The following DNAJC9 variants were observed in gnomAD, a reference collection of about 807,000 sequenced individuals.
DNAJC9 encodes the protein dnaJ homolog subfamily C member 9.
DNAJC9 carries 18 observed loss-of-function variants against 32.4 expected under a neutral mutation model. The ratio of observed to expected loss-of-function variants is 0.56; its 90% confidence interval spans 0.38 to 0.82. The LOEUF (loss-of-function observed/expected upper bound fraction) is 0.82, where lower values mean the gene tolerates loss of function less well. Among genes scored for constraint, DNAJC9 ranks in the 40% least tolerant of loss-of-function variants. The pLI is 0.00. For missense variants in DNAJC9, 310 were observed against 321.8 expected, an observed-to-expected ratio of 0.96 and a Z score of 0.28; for synonymous variants, 113 against 122.1, an observed-to-expected ratio of 0.93 and a Z score of 0.49.
chr10:73,235,064 T>C, downstream of DNAJC9: 5 of 1,454,472 alleles, frequency 3.4e-6, no homozygotes, highest in Non-Finnish European at 4.7e-6. Context: ...AACACAGTGC[T>C]AATTTATGAC....
In DNAJC9 at chr10:73,242,385, TG is replaced by T. The variant is rs1243136013; in HGVS notation, c.*1014del. ...ATTACCATGAGTTCACTATAACAAC[TG>T]GATCAATATGGCTTGCCTTTCAAAG... On this transcript the variant is annotated 3_prime_UTR_variant, in exon 5 of 5. Transcript: ENST00000372950. 1 of 151,838 alleles carries T rather than the reference TG, an allele frequency of 6.6e-6. No individual in the cohort carries two copies. Among genetic ancestry groups the T allele is most frequent in the African/African-American group, 2.4e-5 (1 of 41,260 alleles). The allele number at this position is 151,838 out of a possible 1,614,324, so 9.4% of individuals were successfully genotyped here. A position where few individuals can be genotyped will look rare whatever the true frequency, so the allele number is the denominator to read the frequency against.
At position 73,246,085 on chromosome 10, in the gene DNAJC9, T is replaced by C. The variant is rs1331476006; in HGVS notation, c.413A>G (p.Lys138Arg). The C allele has an allele frequency of 2.5e-6, 4 of 1,613,726 alleles. No homozygotes were observed. The highest frequency in any genetic ancestry group is 1.6e-4 in the Middle Eastern group (1 of 6,078). The change falls in exon 3 of 5, where the codon AAG becomes AGG. Residue 138 changes from lysine (K) to arginine (R), a missense_variant. Transcript: ENST00000372950. ...CTCCATGATCTGATCCATGTCACCC[T>C]TGAAGTCCAGATAGGCCTGCTTAAT... is the stretch of plus-strand genomic sequence containing the variant. ...ADIKQAYLDFKGDMDQIMESV... is the reference protein window; with the variant it reads ...ADIKQAYLDFRGDMDQIMESV...
downstream of DNAJC9, among the ~76,000 whole-genome samples, chr10:73,236,446 C>T (rs1464699410): frequency 6.7e-6 from 1 of 148,492 alleles, no homozygotes; most frequent in Non-Finnish European, 1.5e-5. Context: ...CGGAGTCTCG[C>T]TCTGTCACCT....
At position 73,245,918 on chromosome 10, in the gene DNAJC9, T is replaced by C. The variant is rs199735775; in HGVS notation, c.576+4A>G. ...ATATAAATCCACAGTATTCAAAATCTTACCCTCCTTTTCCTTGCATTCATC... is the reference window on the plus strand; with the variant it reads ...ATATAAATCCACAGTATTCAAAATCCTACCCTCCTTTTCCTTGCATTCATC... On this transcript the variant is annotated splice_donor_region_variant and intron_variant, in intron 3 of 4. Coordinates refer to ENST00000372950, the MANE Select transcript of DNAJC9 (RefSeq NM_015190.5). 4.5e-4 allele frequency: 728 copies of C among 1,609,906 alleles called. 1 individual carries two copies. The highest frequency in any genetic ancestry group is 4.7e-4 in the Non-Finnish European group (555 of 1,178,980).
chr10:73,243,252 T>C lies in DNAJC9; in HGVS notation c.*148A>G. 1.3e-6 allele frequency: 1 copy of C among 789,892 alleles called. No individual in the cohort carries two copies. 48.9% of individuals were successfully genotyped at this position (789,892 alleles called of 1,614,324 possible). On this transcript the variant is annotated 3_prime_UTR_variant, in exon 5 of 5. Transcript: ENST00000372950. ...AAATACTAAGATCAGGTTGAGAGAT[T>C]CTGCTTGGTCTAGTCAATCTGAAAA... is the stretch of plus-strand genomic sequence containing the variant.
At chr10:73,245,464 AG>A (rs2043996717) in intron 3 of DNAJC9, among the ~76,000 whole-genome samples, 1 of 150,188 alleles carries the variant, frequency 6.7e-6, no homozygotes, top group Non-Finnish European at 1.5e-5. Context: ...AAAAAAAAAA[AG>A]AAAAGAAAAA....
chr10:73,246,298 T>C, intron 2 of DNAJC9, 122 bp from the exon 3 acceptor site: 3 of 1,117,488 alleles, frequency 2.7e-6, no homozygotes, highest in Admixed American at 5.7e-5. Context: ...TTGAAATTAT[T>C]GAACCAGATT....
chr10:73,240,216 T>C (rs2043910741), downstream of DNAJC9, among the ~76,000 whole-genome samples: 1 of 152,206 alleles, frequency 6.6e-6, no homozygotes, highest in African/African-American at 2.4e-5. Context: ...AATTTAGAAG[T>C]AATGGACAGC....
downstream of DNAJC9, chr10:73,239,258 T>G: frequency 1.4e-6 from 2 of 1,440,958 alleles, no homozygotes; most frequent in East Asian, 5.0e-5. Flanking sequence ...TGCTAAAATA[T>G]TATCCTTTGT....
At chr10:73,240,708 C>T (rs539127291), downstream of DNAJC9, among the ~76,000 whole-genome samples, 410 of 147,904 alleles carry the variant, frequency 2.8e-3, 1 homozygote, top group African/African-American at 9.9e-3. Flanking sequence ...AGTGAGACTC[C>T]ACCTCCAAAA....
chr10:73,232,877 A>T (rs1564715033), intron 2 of DNAJC9: 3 of 985,282 alleles, frequency 3.0e-6, no homozygotes, highest in East Asian at 2.6e-5. Flanking sequence ...TTACCCCGTT[A>T]GTCTTGTCTT....
intron 2 of DNAJC9, chr10:73,233,098 C>T: frequency 6.4e-7 from 1 of 1,551,668 alleles, no homozygotes; most frequent in Non-Finnish European, 8.7e-7. Context: ...TTCATCCGAT[C>T]AGCACGAGCC....
At chr10:73,245,840 T>G (rs1262470961) in intron 3 of DNAJC9, 82 bp downstream of exon 3, 1 of 1,536,114 alleles carries the variant, frequency 6.5e-7, no homozygotes, top group East Asian at 2.3e-5. Context: ...TGGAGTTTTA[T>G]GTTTACTTCT....
rs1356780140 is a variant in DNAJC9, at chr10:73,247,117, C to T, written c.73G>A (p.Glu25Lys). 1.3e-6 allele frequency: 2 copies of T among 1,595,362 alleles called. No individual in the cohort carries two copies. Among genetic ancestry groups the T allele is most frequent in the Non-Finnish European group, 1.7e-6 (2 of 1,171,914 alleles). ...CGTCGGACCTCGCCGTCGGAGGCCT[C>T]GCGTCGCACGCCCAGCACCCGGTAA... ...DLYRVLGVRR[E>K]ASDGEVRRGY... is the part of the protein sequence containing the mutation. Residue 25 changes from glutamate to lysine, a missense_variant, in exon 1 of 5, where the codon GAG (glutamate) becomes AAG (lysine). Transcript: ENST00000372950.
In DNAJC9 at chr10:73,243,555, T is replaced by C. The variant is rs2043976759; in HGVS notation, c.664-36A>G. 5 of 1,613,352 alleles carry C rather than the reference T, an allele frequency of 3.1e-6. No individual in the cohort carries two copies. In the East Asian group the frequency reaches 1.1e-4, roughly 36 times the overall value. On this transcript the variant is annotated intron_variant, in intron 4 of 4. Transcript: ENST00000372950. Reference sequence around the variant, plus strand: ...AGTTAAAACACAAGCTTTCACAACATTATCCATAGACAGAAAGTACCTAGT... The same window carrying C: ...AGTTAAAACACAAGCTTTCACAACACTATCCATAGACAGAAAGTACCTAGT...
rs776722087 is a variant in DNAJC9, at chr10:73,246,134, C to T, written c.364G>A (p.Gly122Ser). The change falls in exon 3 of 5, where the codon GGT (glycine) becomes AGT (serine). Residue 122 changes from glycine (G) to serine (S), a missense_variant. By Grantham distance (56) the Gly-to-Ser change is moderately conservative. Coordinates refer to ENST00000372950, the MANE Select transcript of DNAJC9 (RefSeq NM_015190.5). ...DIQAFEKTYKGSEEELADIKQ... is the reference protein window; with the variant it reads ...DIQAFEKTYKSSEEELADIKQ... ...ATATCAGCCAGCTCTTCTTCCGAAC[C>T]TTTGTATGTCTTTTCAAAAGCTTGA... 3 of 1,613,348 alleles carry T rather than the reference C, an allele frequency of 1.9e-6. No individual in the cohort carries two copies. Among genetic ancestry groups the T allele is most frequent in the Non-Finnish European group, 2.5e-6 (3 of 1,179,826 alleles).
chr10:73,247,109 G>C lies in DNAJC9; in HGVS notation c.81C>G (p.Ser27=). Residue 27 remains serine (S), a synonymous_variant, in exon 1 of 5, where the codon TCC becomes TCG. Coordinates refer to ENST00000372950, the MANE Select transcript of DNAJC9 (RefSeq NM_015190.5). The part of the protein sequence containing the change: ...YRVLGVRREA[S]DGEVRRGYHK... ...GGTAGCCTCGTCGGACCTCGCCGTCGGAGGCCTCGCGTCGCACGCCCAGCA... is the reference window on the plus strand; with the variant it reads ...GGTAGCCTCGTCGGACCTCGCCGTCCGAGGCCTCGCGTCGCACGCCCAGCA... 1.3e-6 allele frequency: 2 copies of C among 1,595,776 alleles called. No individual in the cohort carries two copies. Among genetic ancestry groups the C allele is most frequent in the Middle Eastern group, 1.7e-4 (1 of 6,004 alleles).
downstream of DNAJC9, chr10:73,241,250 T>C: frequency 2.0e-6 from 1 of 489,088 alleles, no homozygotes; most frequent in Non-Finnish European, 3.7e-6. Flanking sequence ...ACCTATCCCA[T>C]TGGAAAGGCA....
chr10:73,245,090 C>T (rs897850038), intron 3 of DNAJC9, among the ~76,000 whole-genome samples: 56 of 151,968 alleles, frequency 3.7e-4, no homozygotes, highest in African/African-American at 1.3e-3. Flanking sequence ...AGCCTATGAA[C>T]CAAAATGGTC....
Sources: gnomAD v4.1 joint callset for allele counts (sites outside exome capture counted in the v4.1 genomes callset) on GRCh38, gnomAD v4.1.1 for gene constraint, MANE v1.5 for transcripts, NCBI Gene and HGNC (gene_info 2026-07-23, HGNC 2026-07-21) for gene names.